The following PPP2R3A variants were observed in gnomAD, a reference collection of about 807,000 sequenced individuals.
The protein encoded by PPP2R3A is serine/threonine-protein phosphatase 2A regulatory subunit B'' subunit alpha.
PPP2R3A carries 80 observed loss-of-function variants against 106.9 expected under a neutral mutation model. The ratio of observed to expected loss-of-function variants is 0.75; its 90% CI spans 0.62 to 0.90. The LOEUF is 0.90. PPP2R3A is among the 40% of genes least tolerant of loss of function. PPP2R3A has a pLI of 0.00. For missense variants in PPP2R3A, 1,386 were observed against 1,350.4 expected (o/e 1.03, Z -0.41); for synonymous variants, 483 against 468.3 (o/e 1.03, Z -0.41).
At chr3:136,041,250 G>GTTTTTT (rs1246326384) in intron 4 of PPP2R3A, among the ~76,000 whole-genome samples, 53 of 56,566 alleles carry the variant, frequency 9.4e-4, no homozygotes, top group African/African-American at 1.0e-3. Flanking sequence ...TTTTTTTTTT[G>GTTTTTT]TTTTTTTTTT....
chr3:136,095,753 C>G lies in PPP2R3A; in HGVS notation c.2927+5086C>G, dbSNP rs78062342. ...GATTTTGCCCATTGATACTTGTTTC[C>G]TTGGTTTCTAGTGGCACTTACTAGG... is the stretch of plus-strand genomic sequence containing the variant. On this transcript the variant is annotated intron_variant, in intron 10 of 13. Transcript: ENST00000264977. Among the ~76,000 whole-genome samples the G allele has an allele frequency of 8.6e-4, 130 of 152,044 alleles. No homozygotes were observed. In the East Asian group the frequency reaches 0.025, roughly 29 times the overall value.
At chr3:136,078,240 A>C in intron 6 of PPP2R3A, 127 bp from the exon 7 acceptor site, 1 of 687,092 alleles carries the variant, frequency 1.5e-6, no homozygotes, top group Non-Finnish European at 2.6e-6. Context: ...TTTACTAGGA[A>C]TTACACTTAA....
intron 5 of PPP2R3A, among the ~76,000 whole-genome samples, chr3:136,061,870 T>G (rs1936086153): frequency 7.4e-6 from 1 of 135,802 alleles, no homozygotes; most frequent in African/African-American, 2.9e-5. Context: ...GAGCTTGCAG[T>G]GAGCCGAGAT....
In PPP2R3A at chr3:135,974,395, C is replaced by T. The variant is rs1481972968; in HGVS notation, c.-441+8546C>T. Among the ~76,000 whole-genome samples, 3 of 152,296 alleles carry T rather than the reference C, an allele frequency of 2.0e-5. No individual in the cohort carries two copies. The East Asian group carries it at 5.8e-4, about 29-fold the overall frequency. ...ACGTCTTTTCCTTGCTTATGTCCTTCTCTGACGGCCTATTCCCAACTCAGC... is the reference window on the plus strand; with the variant it reads ...ACGTCTTTTCCTTGCTTATGTCCTTTTCTGACGGCCTATTCCCAACTCAGC... On this transcript the variant is annotated intron_variant, in intron 1 of 13. Coordinates refer to ENST00000264977, the MANE Select transcript of PPP2R3A (RefSeq NM_002718.5).
intron 9 of PPP2R3A, 146 bp downstream of exon 9, chr3:136,088,077 C>A: frequency 1.6e-6 from 1 of 609,408 alleles, no homozygotes; most frequent in Non-Finnish European, 2.7e-6. Context: ...TAATACAAGA[C>A]AGTAATTCTT....
intron 6 of PPP2R3A, among the ~76,000 whole-genome samples, chr3:136,075,770 T>G (rs1936576026): frequency 6.6e-6 from 1 of 152,214 alleles, no homozygotes; most frequent in African/African-American, 2.4e-5. Flanking sequence ...AAATTTACAT[T>G]CAGAATCAAG....
intron 2 of PPP2R3A, among the ~76,000 whole-genome samples, chr3:136,013,494 T>C (rs1934163572): frequency 6.6e-6 from 1 of 152,104 alleles, no homozygotes; most frequent in African/African-American, 2.4e-5. Context: ...TGTTCCCTTA[T>C]CACCACCATG....
rs1934688786 is a variant in PPP2R3A, at chr3:136,027,028, G to T, written c.2192G>T (p.Arg731Ile). 6.2e-7 allele frequency: 1 copy of T among 1,613,102 alleles called. No individual in the cohort carries two copies. ...AGTAATCATGAACAAACTCTAAGCA[G>T]AATTGAAACTGCTTTCATGGATATT... Reference protein sequence around the residue: ...TCSNHEQTLSRIETAFMDIEE... With the variant: ...TCSNHEQTLSIIETAFMDIEE... The change falls in exon 3 of 14, where the codon AGA becomes ATA. Residue 731 changes from arginine (R) to isoleucine (I), a missense_variant. By Grantham distance (97) the Arg-to-Ile change is moderately conservative (BLOSUM62 -3). Transcript: ENST00000264977.
intron 2 of PPP2R3A, among the ~76,000 whole-genome samples, chr3:136,018,664 T>C (rs977702349): frequency 1.3e-5 from 2 of 152,220 alleles, no homozygotes; most frequent in Non-Finnish European, 2.9e-5. Flanking sequence ...TTTAAACTTA[T>C]TCCTCAGTTT....
chr3:136,086,392 G>A (rs1936929521), intron 8 of PPP2R3A, among the ~76,000 whole-genome samples: 1 of 152,002 alleles, frequency 6.6e-6, no homozygotes, highest in South Asian at 2.1e-4. Flanking sequence ...TGAGGCAGGA[G>A]AACCGCTTGA....
chr3:136,119,009 G>A (rs1244207779), intron 13 of PPP2R3A, among the ~76,000 whole-genome samples: 1 of 152,106 alleles, frequency 6.6e-6, no homozygotes, highest in African/African-American at 2.4e-5. Context: ...CATGATACTG[G>A]TACCAAAACA....
Position 136,026,933 on chromosome 3 carries a change from T to C in PPP2R3A, c.2097T>C (p.Asn699=), listed in dbSNP as rs1559875673. 2 of 1,613,608 alleles carry C rather than the reference T, an allele frequency of 1.2e-6. No homozygotes were observed. The highest frequency in any genetic ancestry group is 2.2e-5 in the East Asian group (1 of 44,882). ...TCTCCCCGGTTCCCCATGTGAATAA[T>C]GTTGTGAATGCGCCATTGTCCATAA... ...RPLSPVPHVN[N]VVNAPLSINI... Residue 699 remains asparagine (N), a synonymous_variant, in exon 3 of 14, where the codon AAT becomes AAC. Transcript: ENST00000264977.
intron 1 of PPP2R3A, among the ~76,000 whole-genome samples, chr3:135,997,028 T>C (rs1933427288): frequency 6.6e-6 from 1 of 152,218 alleles, no homozygotes; most frequent in Non-Finnish European, 1.5e-5. Context: ...CTTTGGCTAC[T>C]AGTTCCTGGG....
At chr3:136,130,566 T>C (rs1036178880) in intron 13 of PPP2R3A, among the ~76,000 whole-genome samples, 20 of 152,164 alleles carry the variant, frequency 1.3e-4, no homozygotes, top group Admixed American at 3.3e-4. Flanking sequence ...ATCAATATCA[T>C]GAAAATGGCC....
chr3:136,140,332 A>G (rs897335781), intron 13 of PPP2R3A, among the ~76,000 whole-genome samples: 18 of 151,530 alleles, frequency 1.2e-4, no homozygotes, highest in African/African-American at 4.4e-4. Flanking sequence ...GCTGACACCT[A>G]TAATTCCCAG....
intron 7 of PPP2R3A, among the ~76,000 whole-genome samples, chr3:136,080,666 C>T (rs1305649702): frequency 6.6e-6 from 1 of 152,176 alleles, no homozygotes; most frequent in Admixed American, 6.5e-5. Flanking sequence ...CCTTATACAA[C>T]TAGTATCATT....
chr3:136,099,867 G>A (rs1405679820), intron 10 of PPP2R3A, among the ~76,000 whole-genome samples: 2 of 151,308 alleles, frequency 1.3e-5, no homozygotes, highest in Non-Finnish European at 2.9e-5. Flanking sequence ...GGCCACATGC[G>A]GCTAGTAGCT....
At chr3:136,032,392 C>T (rs537333685) in intron 3 of PPP2R3A, among the ~76,000 whole-genome samples, 1 of 152,070 alleles carries the variant, frequency 6.6e-6, no homozygotes, top group Admixed American at 6.5e-5. Flanking sequence ...TCTTCGAAAA[C>T]TTTGCTGAAT....
chr3:136,047,892 G>C (rs543098719), intron 4 of PPP2R3A, among the ~76,000 whole-genome samples: 2 of 150,754 alleles, frequency 1.3e-5, no homozygotes, highest in Admixed American at 6.6e-5. Flanking sequence ...GCAACAGAGC[G>C]AGACTCCGTC....
Sources: gnomAD v4.1 joint callset for allele counts (sites outside exome capture counted in the v4.1 genomes callset) on GRCh38, gnomAD v4.1.1 for gene constraint, MANE v1.5 for transcripts, NCBI Gene and HGNC (gene_info 2026-07-23, HGNC 2026-07-21) for gene names.